The following STARD13 variants were observed in gnomAD, a reference collection of about 807,000 sequenced individuals.
STARD13 encodes StAR related lipid transfer domain containing 13.
Under a neutral mutation model 106.4 loss-of-function variants are expected in STARD13, and 62 were observed. The ratio of observed to expected loss-of-function variants is 0.58; its 90% CI spans 0.48 to 0.72. The LOEUF is 0.72. STARD13 is among the 30% of genes least tolerant of loss of function. The pLI, the probability that STARD13 is intolerant of heterozygous loss-of-function variation, is 0.00. For missense variants in STARD13, 1,387 were observed against 1,424.0 expected (o/e 0.97, Z 0.42); for synonymous variants, 565 against 553.0 (o/e 1.02, Z -0.31).
the STARD13 span, among the ~76,000 whole-genome samples, chr13:33,472,068 T>C: frequency 1.3e-5 from 2 of 152,172 alleles, no homozygotes; most frequent in Admixed American, 1.3e-4. Context: ...CTTTCTTTTC[T>C]ATGTATGATC....
In STARD13 at chr13:33,285,492, CTGA is replaced by C. The variant is rs754761969; in HGVS notation, c.144_146del (p.His48del). The C allele has an allele frequency of 2.0e-5, 32 of 1,613,752 alleles. No homozygotes were observed. ...CACCTTGTTGAATTTTAGTCACTAG[CTGA>C]TGGCGTGCTAGAATCCGGCTCATCC... On this transcript the variant is annotated inframe_deletion, in exon 1 of 14. Transcript: ENST00000336934.
At chr13:33,196,304 C>T (rs1010741511) in intron 1 of STARD13, among the ~76,000 whole-genome samples, 2 of 152,270 alleles carry the variant, frequency 1.3e-5, no homozygotes, top group African/African-American at 2.4e-5. Context: ...GCACAAGAAT[C>T]GCTGGAACCT....
chr13:33,376,673 A>G, the STARD13 span, among the ~76,000 whole-genome samples: 1 of 152,192 alleles, frequency 6.6e-6, no homozygotes, highest in African/African-American at 2.4e-5. Context: ...CAATTTAGAT[A>G]TAGATACGGA....
downstream of STARD13, among the ~76,000 whole-genome samples, chr13:33,347,198 G>A (rs897983721): frequency 3.9e-5 from 6 of 152,130 alleles, no homozygotes; most frequent in Non-Finnish European, 7.4e-5. Context: ...ATATGACAGT[G>A]GTCCCATAAG....
chr13:33,239,907 A>G (rs1889382359), intron 1 of STARD13, among the ~76,000 whole-genome samples: 5 of 151,994 alleles, frequency 3.3e-5, no homozygotes. Context: ...ATGTAGTCCC[A>G]TTTGTCTATT....
chr13:33,491,831 T>A, the STARD13 span, among the ~76,000 whole-genome samples: 1 of 151,914 alleles, frequency 6.6e-6, no homozygotes, highest in Non-Finnish European at 1.5e-5. Flanking sequence ...TGCAAGAACC[T>A]CTGGTAGTGA....
the STARD13 span, among the ~76,000 whole-genome samples, chr13:33,552,655 A>G: frequency 6.6e-6 from 1 of 152,242 alleles, no homozygotes; most frequent in Non-Finnish European, 1.5e-5. Context: ...CACTATAGCA[A>G]CAAAACTTTA....
intron 1 of STARD13, among the ~76,000 whole-genome samples, chr13:33,225,662 A>C (rs1323029163): frequency 6.6e-6 from 1 of 152,156 alleles, no homozygotes; most frequent in African/African-American, 2.4e-5. Context: ...TTAAACACCT[A>C]GCTTTCTCAT....
the STARD13 span, among the ~76,000 whole-genome samples, chr13:33,551,606 T>TGGAG: frequency 9.9e-6 from 1 of 101,426 alleles, no homozygotes; most frequent in Admixed American, 1.1e-4. Flanking sequence ...TTTTTTTTTT[T>TGGAG]TTTTTTTTTT....
chr13:33,364,818 G>A, the STARD13 span, among the ~76,000 whole-genome samples: 2 of 152,210 alleles, frequency 1.3e-5, no homozygotes, highest in African/African-American at 4.8e-5. Context: ...GAACCCGGGA[G>A]GCGGAGCTTG....
intron 1 of STARD13, among the ~76,000 whole-genome samples, chr13:33,331,993 C>T (rs2077842238): frequency 6.6e-6 from 1 of 152,162 alleles, no homozygotes; most frequent in African/African-American, 2.4e-5. Flanking sequence ...ACTGCTTCCA[C>T]TCTTGGCCTG....
chr13:33,145,785 T>G (rs1350072361), intron 3 of STARD13, among the ~76,000 whole-genome samples: 1 of 152,192 alleles, frequency 6.6e-6, no homozygotes, highest in African/African-American at 2.4e-5. Context: ...CACTACAGGA[T>G]TCCACTCATC....
At chr13:33,374,647 A>G in the STARD13 span, among the ~76,000 whole-genome samples, 1 of 152,200 alleles carries the variant, frequency 6.6e-6, no homozygotes, top group Admixed American at 6.5e-5. Context: ...CATGGAGTAT[A>G]TAGTTGCTGG....
chr13:33,338,884 CAAAAAA>C lies in STARD13; in HGVS notation c.124+11400_124+11405del, dbSNP rs748411311. 8.3e-5 allele frequency among the ~76,000 whole-genome samples: 10 copies of C among 120,248 alleles called. 1 individual carries two copies. The highest frequency in any genetic ancestry group is 2.2e-4 in the East Asian group (1 of 4,478). The allele number at this position is 120,248 out of a possible 152,430, so 78.9% of individuals were successfully genotyped here. A position where few individuals can be genotyped will look rare whatever the true frequency, so the allele number is the denominator to read the frequency against. ...TGGGCGACAGAACGAGACTCCGTCTCAAAAAAAAAAAAAAAAAAAAAGAAAGAAAGA... is the reference window on the plus strand; with the variant it reads ...TGGGCGACAGAACGAGACTCCGTCTCAAAAAAAAAAAAAAAGAAAGAAAGA... On this transcript the variant is annotated intron_variant, in intron 1 of 5. Transcript: ENST00000567873.
At chr13:33,587,329 C>T in the STARD13 span, among the ~76,000 whole-genome samples, 5 of 152,052 alleles carry the variant, frequency 3.3e-5, no homozygotes, top group African/African-American at 1.2e-4. Context: ...TTATGTAAAG[C>T]CCCACATCTA....
chr13:33,606,359 A>C, the STARD13 span, among the ~76,000 whole-genome samples: 1 of 152,232 alleles, frequency 6.6e-6, no homozygotes, highest in East Asian at 1.9e-4. Flanking sequence ...TATTGTAAGA[A>C]AGAAAAGGGT....
the STARD13 span, among the ~76,000 whole-genome samples, chr13:33,454,938 C>T: frequency 6.6e-6 from 1 of 152,152 alleles, no homozygotes; most frequent in Non-Finnish European, 1.5e-5. Context: ...ACTTACTCTG[C>T]ACCAGGCCCT....
chr13:33,240,780 A>G (rs1273821739), intron 1 of STARD13, among the ~76,000 whole-genome samples: 2 of 151,008 alleles, frequency 1.3e-5, no homozygotes, highest in Non-Finnish European at 2.9e-5. Context: ...TTTATCCTTA[A>G]GGATCCTTAA....
the STARD13 span, among the ~76,000 whole-genome samples, chr13:33,671,326 G>A: frequency 6.6e-6 from 1 of 152,252 alleles, no homozygotes; most frequent in African/African-American, 2.4e-5. Flanking sequence ...CAATATGGAA[G>A]CCTACCATGC....
Sources: allele counts gnomAD v4.1 joint callset (sites outside exome capture counted in the v4.1 genomes callset), GRCh38; gene constraint gnomAD v4.1.1; transcripts MANE v1.5; gene names NCBI Gene and HGNC (gene_info 2026-07-23, HGNC 2026-07-21).